The following HMGA2 variants were observed in gnomAD, a reference collection of about 807,000 sequenced individuals.
The protein encoded by HMGA2 is high mobility group AT-hook 2, also known as high mobility group protein HMGI-C.
A neutral mutation model predicts 19.1 loss-of-function variants in HMGA2; 8 were observed. That is an observed-to-expected ratio of 0.42 (90% CI 0.25 to 0.76). HMGA2 has a LOEUF of 0.76. HMGA2 is among the 30% of genes least tolerant of loss of function. The probability of loss-of-function intolerance (pLI) is 0.28; values close to 1 mark genes in which losing one functional copy is unlikely to be tolerated. For missense variants in HMGA2, 109 were observed against 136.3 expected (o/e 0.80, Z 1.00); for synonymous variants, 60 against 48.8 (o/e 1.23, Z -0.96).
intron 3 of HMGA2, among the ~76,000 whole-genome samples, chr12:65,946,515 A>T (rs929824883): frequency 9.2e-5 from 14 of 152,130 alleles, no homozygotes; most frequent in African/African-American, 3.4e-4. Flanking sequence ...TTAAAAATTA[A>T]GTTTGTAAGC....
In HMGA2 at chr12:65,948,600, G is replaced by A. The variant is rs558715607; in HGVS notation, c.250-2783G>A. 6 of 152,376 alleles carry A rather than the reference G, an allele frequency of 3.9e-5. No individual in the cohort carries two copies. The East Asian group carries it at 1.2e-3, about 29-fold the overall frequency. 9.4% of individuals were successfully genotyped at this position (152,376 alleles called of 1,614,324 possible). A position where few individuals can be genotyped will look rare whatever the true frequency, so the allele number is the denominator to read the frequency against. On this transcript the variant is annotated intron_variant, in intron 3 of 4. Transcript: ENST00000403681. Reference sequence around the variant, plus strand: ...ACAAAAACTTTCTCGGCACAGTCTGGAGCCATTGGGTGCCAGAGGCTGGGA... The same window carrying A: ...ACAAAAACTTTCTCGGCACAGTCTGAAGCCATTGGGTGCCAGAGGCTGGGA...
At chr12:65,828,129 C>T (rs1870301991) in intron 2 of HMGA2, 42 bp downstream of exon 2, 1 of 1,407,514 alleles carries the variant, frequency 7.1e-7, no homozygotes, top group Non-Finnish European at 1.0e-6. Context: ...TCATCAATGA[C>T]TGACTACAGG....
chr12:65,947,410 G>A (rs537055837), intron 3 of HMGA2, among the ~76,000 whole-genome samples: 59 of 152,230 alleles, frequency 3.9e-4, no homozygotes, highest in Non-Finnish European at 6.3e-4. Flanking sequence ...CCACAGTTTC[G>A]TTTTAACATC....
intron 3 of HMGA2, among the ~76,000 whole-genome samples, chr12:65,930,227 A>G (rs1298646221): frequency 6.6e-6 from 1 of 152,208 alleles, no homozygotes; most frequent in African/African-American, 2.4e-5. Flanking sequence ...TGGTGTGTAA[A>G]TAAAACTTTA....
chr12:65,857,434 TTTTG>T (rs1397455043), intron 3 of HMGA2: 2 of 152,236 alleles, frequency 1.3e-5, no homozygotes, highest in African/African-American at 4.8e-5. Context: ...ACTTTAGGGT[TTTTG>T]TTTGTTTTAG....
At chr12:65,920,293 T>G (rs1219874698) in intron 3 of HMGA2, among the ~76,000 whole-genome samples, 2 of 152,116 alleles carry the variant, frequency 1.3e-5, no homozygotes, top group Non-Finnish European at 2.9e-5. Context: ...CTGAGTGAAC[T>G]ATTTCCTGGA....
intron 2 of HMGA2, among the ~76,000 whole-genome samples, chr12:65,830,273 G>GT (rs1936267418): frequency 6.6e-6 from 1 of 151,824 alleles, no homozygotes; most frequent in Non-Finnish European, 1.5e-5. Context: ...TGTTGAGTAT[G>GT]TTACTATTCT....
rs1004319756 is a variant in HMGA2, at chr12:65,844,871, G to A, written c.249+6302G>A. On this transcript the variant is annotated intron_variant, in intron 3 of 4. Transcript: ENST00000403681. Reference sequence around the variant, plus strand: ...TGGAGTGGCAAATTCTAGACAGGAGGTAGTTCATAAAAATATCTTATTTCT... The same window carrying A: ...TGGAGTGGCAAATTCTAGACAGGAGATAGTTCATAAAAATATCTTATTTCT... 4.6e-5 allele frequency among the ~76,000 whole-genome samples: 7 copies of A among 152,318 alleles called. No individual in the cohort carries two copies. In the East Asian group the frequency reaches 1.2e-3, roughly 25 times the overall value.
At chr12:65,900,712 C>A (rs560639798) in intron 3 of HMGA2, among the ~76,000 whole-genome samples, 5 of 152,112 alleles carry the variant, frequency 3.3e-5, no homozygotes, top group Admixed American at 3.3e-4. Context: ...GTAGTACAAG[C>A]GCTGGTAATT....
chr12:65,840,839 A>G (rs767481581), intron 3 of HMGA2, among the ~76,000 whole-genome samples: 2 of 152,178 alleles, frequency 1.3e-5, no homozygotes, highest in Non-Finnish European at 2.9e-5. Flanking sequence ...TTGCAAGCGA[A>G]TACAGTGGCA....
At chr12:65,837,101 C>T (rs576479605) in intron 2 of HMGA2, among the ~76,000 whole-genome samples, 14 of 152,230 alleles carry the variant, frequency 9.2e-5, no homozygotes, top group African/African-American at 3.1e-4. Context: ...TAATAATACC[C>T]ACTTTATAAG....
At chr12:65,881,512 C>A (rs958909075) in intron 3 of HMGA2, 1 of 574,106 alleles carries the variant, frequency 1.7e-6, no homozygotes, top group Non-Finnish European at 3.1e-6. Context: ...CAGAACAAAA[C>A]AAAACAAAAA....
intron 3 of HMGA2, among the ~76,000 whole-genome samples, chr12:65,909,761 C>T (rs1413816928): frequency 1.3e-5 from 2 of 152,130 alleles, no homozygotes. Context: ...GGAGATATAA[C>T]CTCATCTCTG....
chr12:65,937,107 T>A (rs1325140151), intron 3 of HMGA2, among the ~76,000 whole-genome samples: 2 of 152,086 alleles, frequency 1.3e-5, no homozygotes, highest in African/African-American at 4.8e-5. Flanking sequence ...CTTACAAACA[T>A]CCTTCTTTTA....
intron 1 of HMGA2, 63 bp from the exon 2 acceptor site, chr12:65,827,938 G>A: frequency 1.7e-6 from 2 of 1,155,334 alleles, no homozygotes; most frequent in Non-Finnish European, 2.6e-6. Context: ...TAGCTAAAGA[G>A]TCAGGGTCAA....
At chr12:65,936,075 G>T (rs530899036) in intron 3 of HMGA2, among the ~76,000 whole-genome samples, 182 of 152,260 alleles carry the variant, frequency 1.2e-3, no homozygotes, top group Non-Finnish European at 1.9e-3. Context: ...ATTCACAAAT[G>T]GAATCTGTGG....
chr12:65,907,390 A>G (rs1167037208), intron 3 of HMGA2, among the ~76,000 whole-genome samples: 2 of 148,764 alleles, frequency 1.3e-5, no homozygotes, highest in Non-Finnish European at 3.0e-5. Flanking sequence ...AGCCTGGACA[A>G]CAGAGTGAGA....
At chr12:65,863,271 T>G (rs1014595883) in intron 3 of HMGA2, among the ~76,000 whole-genome samples, 1 of 152,266 alleles carries the variant, frequency 6.6e-6, no homozygotes, top group Non-Finnish European at 1.5e-5. Context: ...TTACTAAAAC[T>G]GTTAAGCCAA....
In HMGA2 at chr12:65,963,344, G is replaced by A; in HGVS notation, c.*52G>A. 1 of 1,440,122 alleles carries A rather than the reference G, an allele frequency of 6.9e-7. No individual in the cohort carries two copies. The highest frequency in any genetic ancestry group is 9.5e-7 in the Non-Finnish European group (1 of 1,051,344). The allele number at this position is 1,440,122 out of a possible 1,614,324, so 89.2% of individuals were successfully genotyped here. ...CAGCAGCAGTTGGATCTTTTGAAGG[G>A]AGAAGACACTGCAGTGACCACTTAT... On this transcript the variant is annotated 3_prime_UTR_variant, in exon 5 of 5. Coordinates refer to ENST00000403681, the MANE Select transcript of HMGA2 (RefSeq NM_003483.6).
Sources: allele counts gnomAD v4.1 joint callset (sites outside exome capture counted in the v4.1 genomes callset), GRCh38; gene constraint gnomAD v4.1.1; transcripts MANE v1.5; gene names NCBI Gene and HGNC (gene_info 2026-07-23, HGNC 2026-07-21).